The following DNM3 variants were observed in gnomAD, a reference collection of about 807,000 sequenced individuals.
DNM3 encodes dynamin 3, also known as dynamin-3.
A neutral mutation model predicts 101.6 loss-of-function variants in DNM3; 47 were observed. That is an observed-to-expected ratio of 0.46 (90% CI 0.37 to 0.59). DNM3 has a LOEUF of 0.59. Among genes scored for constraint, DNM3 ranks in the 20% least tolerant of loss-of-function variants. DNM3 has a pLI of 0.00. For missense variants in DNM3, 849 were observed against 1,085.7 expected, an observed-to-expected ratio of 0.78 and a Z score of 3.06; for synonymous variants, 385 against 387.9, an observed-to-expected ratio of 0.99 and a Z score of 0.09.
chr1:172,218,217 G>A (rs991493316), intron 14 of DNM3, among the ~76,000 whole-genome samples: 3 of 152,128 alleles, frequency 2.0e-5, no homozygotes, highest in Non-Finnish European at 2.9e-5. Context: ...CTGGCATGTT[G>A]AGCCAGACTC....
chr1:171,969,302 G>A (rs1275341907), intron 2 of DNM3, among the ~76,000 whole-genome samples: 3 of 152,206 alleles, frequency 2.0e-5, no homozygotes, highest in Admixed American at 1.3e-4. Context: ...TCTTCACTGG[G>A]TTAAGAGAAG....
intron 14 of DNM3, among the ~76,000 whole-genome samples, chr1:172,237,764 A>T (rs765613922): frequency 6.6e-6 from 1 of 152,206 alleles, no homozygotes; most frequent in Non-Finnish European, 1.5e-5. Context: ...CCAAAATTAC[A>T]GGTTAAATTT....
intron 1 of DNM3, among the ~76,000 whole-genome samples, chr1:171,858,191 G>A (rs756375045): frequency 2.0e-5 from 3 of 152,132 alleles, no homozygotes; most frequent in Non-Finnish European, 2.9e-5. Flanking sequence ...AGATGGGTTG[G>A]TACTGAGAGT....
At chr1:171,972,565 C>G (rs2044071446) in intron 2 of DNM3, among the ~76,000 whole-genome samples, 1 of 152,234 alleles carries the variant, frequency 6.6e-6, no homozygotes, top group South Asian at 2.1e-4. Flanking sequence ...ATACAGATTC[C>G]TAGGCTTGGC....
intron 1 of DNM3, among the ~76,000 whole-genome samples, chr1:171,901,187 CCCACCTG>C (rs1417678769): frequency 6.6e-6 from 1 of 151,318 alleles, no homozygotes; most frequent in Non-Finnish European, 1.5e-5. Flanking sequence ...GTAGTCATAC[CCCACCTG>C]CCGGAATTGA....
intron 1 of DNM3, among the ~76,000 whole-genome samples, chr1:171,842,614 A>G (rs559241268): frequency 6.6e-6 from 1 of 152,174 alleles, no homozygotes; most frequent in East Asian, 1.9e-4. Context: ...GGAACTGACC[A>G]GCATCTTTCT....
At chr1:172,040,157 T>C (rs1402833269) in intron 7 of DNM3, among the ~76,000 whole-genome samples, 1 of 152,070 alleles carries the variant, frequency 6.6e-6, no homozygotes, top group Non-Finnish European at 1.5e-5. Flanking sequence ...AGGTATAGGG[T>C]TTAAGGGAAG....
intron 14 of DNM3, among the ~76,000 whole-genome samples, chr1:172,165,090 G>A (rs2058698792): frequency 6.6e-6 from 1 of 151,970 alleles, no homozygotes; most frequent in Non-Finnish European, 1.5e-5. Context: ...CTATCTAAAG[G>A]AGCAATCTTA....
chr1:172,102,875 G>A (rs2054749409), intron 13 of DNM3, among the ~76,000 whole-genome samples: 1 of 152,050 alleles, frequency 6.6e-6, no homozygotes, highest in Non-Finnish European at 1.5e-5. Context: ...CAATTCCTTG[G>A]AATTTTGATA....
At chr1:172,397,625 T>A (rs2070120494) in intron 20 of DNM3, among the ~76,000 whole-genome samples, 1 of 152,238 alleles carries the variant, frequency 6.6e-6, no homozygotes, top group Non-Finnish European at 1.5e-5. Context: ...AATTAATGCA[T>A]GAAAACTCAT....
At chr1:171,971,633 C>T (rs2125548227) in intron 2 of DNM3, among the ~76,000 whole-genome samples, 1 of 152,150 alleles carries the variant, frequency 6.6e-6, no homozygotes, top group East Asian at 1.9e-4. Context: ...ATAATCTGAA[C>T]TTTGTAACCT....
intron 14 of DNM3, among the ~76,000 whole-genome samples, chr1:172,207,225 G>A (rs2060355311): frequency 6.6e-6 from 1 of 152,050 alleles, no homozygotes; most frequent in African/African-American, 2.4e-5. Flanking sequence ...ACACTGACGT[G>A]ATGCCTAGGG....
At chr1:172,296,716 TC>T (rs1162640310) in intron 15 of DNM3, among the ~76,000 whole-genome samples, 1 of 152,256 alleles carries the variant, frequency 6.6e-6, no homozygotes, top group Non-Finnish European at 1.5e-5. Context: ...TTAAAAAAAT[TC>T]ATTTCTATGT....
chr1:172,109,415 G>T (rs188897750), intron 13 of DNM3, among the ~76,000 whole-genome samples: 1 of 152,128 alleles, frequency 6.6e-6, no homozygotes, highest in African/African-American at 2.4e-5. Context: ...ATGCCTGGTC[G>T]CAGGATCCAT....
chr1:172,318,610 C>G (rs1557987694), intron 16 of DNM3, among the ~76,000 whole-genome samples: 1 of 152,092 alleles, frequency 6.6e-6, no homozygotes, highest in Non-Finnish European at 1.5e-5. Context: ...AACAGAGAGC[C>G]AAATCATGAG....
chr1:172,238,358 C>A (rs1377043023), intron 14 of DNM3, among the ~76,000 whole-genome samples: 1 of 152,100 alleles, frequency 6.6e-6, no homozygotes, highest in African/African-American at 2.4e-5. Context: ...GACTTAAGGG[C>A]AACCTAAGCC....
chr1:172,020,721 C>CAAA lies in DNM3; in HGVS notation c.590-11660_590-11658dup, dbSNP rs3051630. 3.7e-3 allele frequency among the ~76,000 whole-genome samples: 246 copies of CAAA among 66,284 alleles called. 29 individuals are homozygous for CAAA. The highest frequency in any genetic ancestry group is 0.014 in the African/African-American group (225 of 15,866). 43.5% of individuals were successfully genotyped at this position (66,284 alleles called of 152,430 possible). A position where few individuals can be genotyped will look rare whatever the true frequency, so the allele number is the denominator to read the frequency against. On this transcript the variant is annotated intron_variant, in intron 4 of 20. Transcript: ENST00000627582. ...CCTGGGCGACAGTGTGAGACTCCGTCAAAAAAAAAAAAAAAAAAAAAAAGA... is the reference window on the plus strand; with the variant it reads ...CCTGGGCGACAGTGTGAGACTCCGTCAAAAAAAAAAAAAAAAAAAAAAAAAAGA...
At chr1:172,382,866 G>A (rs566873003) in intron 18 of DNM3, among the ~76,000 whole-genome samples, 1 of 152,268 alleles carries the variant, frequency 6.6e-6, no homozygotes, top group South Asian at 2.1e-4. Flanking sequence ...TCACACTGGA[G>A]TGTGTGCTGT....
chr1:171,949,825 G>A (rs1571784275), intron 2 of DNM3, among the ~76,000 whole-genome samples: 3 of 152,126 alleles, frequency 2.0e-5, no homozygotes, highest in Admixed American at 2.0e-4. Context: ...CACACTGTTG[G>A]TGTCAAATGT....
Sources: gnomAD v4.1 joint callset for allele counts (sites outside exome capture counted in the v4.1 genomes callset) on GRCh38, gnomAD v4.1.1 for gene constraint, MANE v1.5 for transcripts, NCBI Gene and HGNC (gene_info 2026-07-23, HGNC 2026-07-21) for gene names.